The following SYNDIG1 variants were observed in gnomAD, a reference collection of about 807,000 sequenced individuals.
SYNDIG1 encodes the protein synapse differentiation-inducing gene protein 1.
In SYNDIG1, 9 loss-of-function variants were observed where a neutral mutation model predicts 19.4. The observed-to-expected ratio is 0.46, with a 90% CI of 0.28 to 0.81. The LOEUF is 0.81. SYNDIG1 is among the 30% of genes least tolerant of loss of function. The pLI is 0.12. For synonymous variants in SYNDIG1, 141 were observed against 145.9 expected (o/e 0.97, Z 0.24); for missense variants, 311 against 343.3 (o/e 0.91, Z 0.74).
At chr20:24,552,315 T>C (rs1482626439) in intron 2 of SYNDIG1, among the ~76,000 whole-genome samples, 4 of 152,110 alleles carry the variant, frequency 2.6e-5, no homozygotes, top group Admixed American at 1.3e-4. Context: ...TTTTAAAAAA[T>C]TATTATTATA....
intron 1 of SYNDIG1, among the ~76,000 whole-genome samples, chr20:24,518,653 G>T (rs1369407851): frequency 2.6e-5 from 4 of 152,206 alleles, no homozygotes; most frequent in African/African-American, 7.2e-5. Context: ...GCAGCTTCCT[G>T]GGTGGCCCTG....
At chr20:24,493,667 C>T (rs1167141644) in intron 1 of SYNDIG1, among the ~76,000 whole-genome samples, 1 of 152,246 alleles carries the variant, frequency 6.6e-6, no homozygotes, top group Non-Finnish European at 1.5e-5. Context: ...AATCTAGCAC[C>T]TAGAAGATGC....
chr20:24,545,934 A>G (rs1568629320), intron 2 of SYNDIG1, among the ~76,000 whole-genome samples: 1 of 152,236 alleles, frequency 6.6e-6, no homozygotes, highest in Non-Finnish European at 1.5e-5. Flanking sequence ...TCGATGAAAC[A>G]GCAAGTTGTT....
chr20:24,629,972 TGCACA>T (rs1463599939), intron 3 of SYNDIG1, among the ~76,000 whole-genome samples: 3 of 152,206 alleles, frequency 2.0e-5, no homozygotes, highest in Admixed American at 1.3e-4. Flanking sequence ...TTTGAGGTCA[TGCACA>T]AGTGCCTGGA....
intron 3 of SYNDIG1, among the ~76,000 whole-genome samples, chr20:24,657,308 T>C (rs1257045316): frequency 1.3e-5 from 2 of 152,214 alleles, no homozygotes; most frequent in African/African-American, 4.8e-5. Context: ...TATATGGTGA[T>C]GTCTGTAAAT....
chr20:24,527,726 A>G (rs182837142), intron 1 of SYNDIG1, among the ~76,000 whole-genome samples: 14 of 152,264 alleles, frequency 9.2e-5, no homozygotes, highest in Admixed American at 6.5e-4. Context: ...CTCTATTGCA[A>G]TCGACAGAAC....
chr20:24,643,426 T>G (rs963092821), intron 3 of SYNDIG1, among the ~76,000 whole-genome samples: 5 of 152,208 alleles, frequency 3.3e-5, no homozygotes, highest in African/African-American at 1.2e-4. Flanking sequence ...GAGAAGTAAC[T>G]TTATCAGCTA....
intron 3 of SYNDIG1, among the ~76,000 whole-genome samples, chr20:24,600,124 C>T (rs2058657586): frequency 6.6e-6 from 1 of 152,086 alleles, no homozygotes; most frequent in African/African-American, 2.4e-5. Context: ...TATGTCTTCA[C>T]AAAAAATATC....
chr20:24,562,593 C>T (rs961693599), intron 2 of SYNDIG1, among the ~76,000 whole-genome samples: 2 of 152,126 alleles, frequency 1.3e-5, no homozygotes, highest in African/African-American at 4.8e-5. Context: ...GGGAAAGAAT[C>T]TCCCAGATAA....
chr20:24,507,556 C>T (rs972978469), intron 1 of SYNDIG1, among the ~76,000 whole-genome samples: 3 of 152,192 alleles, frequency 2.0e-5, no homozygotes, highest in East Asian at 1.9e-4. Flanking sequence ...CACTCTGCTG[C>T]GCGCCTGGAG....
At chr20:24,553,458 T>A (rs955708354) in intron 2 of SYNDIG1, among the ~76,000 whole-genome samples, 7 of 152,248 alleles carry the variant, frequency 4.6e-5, no homozygotes, top group African/African-American at 1.7e-4. Context: ...AACATGTAAG[T>A]CCTTAATCCA....
At chr20:24,609,673 G>A (rs2058816333) in intron 3 of SYNDIG1, among the ~76,000 whole-genome samples, 1 of 152,166 alleles carries the variant, frequency 6.6e-6, no homozygotes, top group Admixed American at 6.5e-5. Flanking sequence ...TTGAGAGCTG[G>A]CCCTGCACTA....
intron 1 of SYNDIG1, among the ~76,000 whole-genome samples, chr20:24,503,847 G>A (rs1247813412): frequency 1.3e-5 from 2 of 152,074 alleles, no homozygotes; most frequent in African/African-American, 2.4e-5. Flanking sequence ...CACCCCCAGC[G>A]CCTACTGCAG....
chr20:24,560,416 C>A (rs2057917703), intron 2 of SYNDIG1, among the ~76,000 whole-genome samples: 1 of 151,984 alleles, frequency 6.6e-6, no homozygotes, highest in African/African-American at 2.4e-5. Context: ...GATAATTGAT[C>A]TTTCAAATGT....
intron 2 of SYNDIG1, among the ~76,000 whole-genome samples, chr20:24,550,712 G>A (rs34009042): frequency 0.51 from 76,904 of 151,072 alleles, 19,638 homozygotes; most frequent in East Asian, 0.61. Context: ...GGGTTTCACT[G>A]TGTTAGCCAG....
Position 24,517,225 on chromosome 20 carries a change from C to T in SYNDIG1, c.-78-25795C>T, listed in dbSNP as rs534026376. 5.9e-5 allele frequency among the ~76,000 whole-genome samples: 9 copies of T among 151,652 alleles called. No homozygotes were observed. The East Asian group carries it at 7.8e-4, about 13-fold the overall frequency. On this transcript the variant is annotated intron_variant, in intron 1 of 3. Coordinates refer to ENST00000376862, the MANE Select transcript of SYNDIG1 (RefSeq NM_024893.3). ...AAATGACGAGTTAATGGGTTCAGCA[C>T]ACCAACATGGCACATGTGTACATAT...
intron 2 of SYNDIG1, among the ~76,000 whole-genome samples, chr20:24,566,592 C>CAATCACT (rs748148424): frequency 6.6e-6 from 1 of 152,174 alleles, no homozygotes; most frequent in Non-Finnish European, 1.5e-5. Context: ...CATTTGGCTG[C>CAATCACT]AATCACTAAT....
intron 3 of SYNDIG1, among the ~76,000 whole-genome samples, chr20:24,622,747 T>C (rs1175228717): frequency 1.3e-5 from 2 of 152,138 alleles, no homozygotes; most frequent in Non-Finnish European, 2.9e-5. Flanking sequence ...GTGTAACATA[T>C]GAAAATTGGA....
chr20:24,606,514 G>T (rs1342362941), intron 3 of SYNDIG1, among the ~76,000 whole-genome samples: 2 of 152,204 alleles, frequency 1.3e-5, no homozygotes, highest in Admixed American at 1.3e-4. Context: ...AAAACCTTAG[G>T]TTATTATAGA....
Sources: allele counts gnomAD v4.1 joint callset (sites outside exome capture counted in the v4.1 genomes callset), GRCh38; gene constraint gnomAD v4.1.1; transcripts MANE v1.5; gene names NCBI Gene and HGNC (gene_info 2026-07-23, HGNC 2026-07-21).